The following MYO3B variants were observed in gnomAD, a reference collection of about 807,000 sequenced individuals.
MYO3B encodes the protein myosin-IIIb.
Under a neutral mutation model 174.6 loss-of-function variants are expected in MYO3B, and 156 were observed. That is an observed-to-expected ratio of 0.89 (90% CI 0.78 to 1.02). The LOEUF (loss-of-function observed/expected upper bound fraction) is 1.02, where lower values mean the gene tolerates loss of function less well. MYO3B is among the 50% of genes least tolerant of loss of function. The pLI, the probability that MYO3B is intolerant of heterozygous loss-of-function variation, is 0.00. For missense variants in MYO3B, 1,632 were observed against 1,639.4 expected (o/e 1.00, Z 0.08); for synonymous variants, 563 against 569.1 (o/e 0.99, Z 0.15).
At chr2:170,586,469 A>C (rs1324253454) in intron 32 of MYO3B, among the ~76,000 whole-genome samples, 1 of 152,244 alleles carries the variant, frequency 6.6e-6, no homozygotes, top group Non-Finnish European at 1.5e-5. Context: ...CGCTCACCAC[A>C]TGGGCTCTTA....
At chr2:170,245,583 C>T (rs1263592949) in intron 7 of MYO3B, among the ~76,000 whole-genome samples, 2 of 152,232 alleles carry the variant, frequency 1.3e-5, no homozygotes, top group Non-Finnish European at 2.9e-5. Flanking sequence ...TCTGCTCCTG[C>T]TCTGTTACTA....
chr2:170,375,852 G>T (rs2094288902), intron 9 of MYO3B, among the ~76,000 whole-genome samples: 2 of 152,160 alleles, frequency 1.3e-5, no homozygotes, highest in South Asian at 4.2e-4. Flanking sequence ...CACACAGGAG[G>T]TTAAATATCC....
chr2:170,493,144 A>G (rs1366925614), intron 25 of MYO3B, among the ~76,000 whole-genome samples: 1 of 152,238 alleles, frequency 6.6e-6, no homozygotes, highest in African/African-American at 2.4e-5. Flanking sequence ...GGACCTCTCT[A>G]TAAAGAGCAT....
chr2:170,472,671 A>G (rs1310607783), intron 25 of MYO3B, among the ~76,000 whole-genome samples: 1 of 140,704 alleles, frequency 7.1e-6, no homozygotes, highest in Non-Finnish European at 1.5e-5. Flanking sequence ...CTCACTTTTT[A>G]TCTATTTATT....
intron 8 of MYO3B, among the ~76,000 whole-genome samples, chr2:170,367,770 T>C (rs910352852): frequency 6.6e-6 from 1 of 152,192 alleles, no homozygotes; most frequent in Non-Finnish European, 1.5e-5. Context: ...TCTTAAAGCA[T>C]ATGCACTGAT....
intron 8 of MYO3B, among the ~76,000 whole-genome samples, chr2:170,351,278 G>A (rs553763383): frequency 7.9e-4 from 121 of 152,256 alleles, no homozygotes; most frequent in Non-Finnish European, 1.4e-3. Context: ...CAGTAAATGA[G>A]GTGGTTCATT....
intron 7 of MYO3B, among the ~76,000 whole-genome samples, chr2:170,243,161 T>C (rs2093153676): frequency 1.3e-5 from 2 of 152,212 alleles, no homozygotes; most frequent in African/African-American, 2.4e-5. Context: ...TCCCCAAACT[T>C]AGTTGCTTAA....
intron 22 of MYO3B, among the ~76,000 whole-genome samples, chr2:170,432,599 C>T (rs1185117391): frequency 3.4e-5 from 5 of 146,758 alleles, no homozygotes; most frequent in South Asian, 2.1e-4. Flanking sequence ...TTTTTTGAGA[C>T]GGAGTCTTGC....
At chr2:170,232,782 C>G (rs750103053) in intron 6 of MYO3B, among the ~76,000 whole-genome samples, 1 of 152,162 alleles carries the variant, frequency 6.6e-6, no homozygotes, top group African/African-American at 2.4e-5. Context: ...ACTATCATGC[C>G]AGACTAATGA....
rs1037199068 is a variant in MYO3B at position 170,637,275 on chromosome 2, G to A, written c.3734-14353G>A. ...CAACCTCTGCCTCCCGGGTTCAAGC[G>A]ATTCTCCTGCCTCACCCTCCCGAGT... is the stretch of plus-strand genomic sequence containing the variant. On this transcript the variant is annotated intron_variant, in intron 32 of 34. Coordinates refer to ENST00000408978, the MANE Select transcript of MYO3B (RefSeq NM_138995.5). Among the ~76,000 whole-genome samples, 4 of 150,410 alleles carry A rather than the reference G, an allele frequency of 2.7e-5. No homozygotes were observed. In the South Asian group the frequency reaches 6.3e-4, roughly 24 times the overall value.
chr2:170,504,021 A>G (rs1687457755), intron 28 of MYO3B, among the ~76,000 whole-genome samples: 1 of 152,244 alleles, frequency 6.6e-6, no homozygotes, highest in Middle Eastern at 3.4e-3. Context: ...AAGCAAAGCA[A>G]CTCATTCCGA....
chr2:170,532,871 A>G (rs1193286132), intron 30 of MYO3B, among the ~76,000 whole-genome samples: 1 of 151,844 alleles, frequency 6.6e-6, no homozygotes. Flanking sequence ...CAAATGGTTC[A>G]GAAAAAAATT....
At chr2:170,534,482 G>GCC (rs1337084548) in intron 30 of MYO3B, among the ~76,000 whole-genome samples, 4 of 152,146 alleles carry the variant, frequency 2.6e-5, no homozygotes, top group African/African-American at 9.7e-5. Context: ...GCCTCACTCT[G>GCC]TCACCCAGGC....
chr2:170,392,523 A>T, intron 16 of MYO3B, 28 bp downstream of exon 16: 1 of 1,377,190 alleles, frequency 7.3e-7, no homozygotes, highest in African/African-American at 1.4e-5. Flanking sequence ...GAGGAACTCA[A>T]GTGACAATAT....
chr2:170,227,092 C>T (rs2092959742), intron 6 of MYO3B, among the ~76,000 whole-genome samples: 1 of 152,150 alleles, frequency 6.6e-6, no homozygotes, highest in Non-Finnish European at 1.5e-5. Context: ...GAATTCCCAC[C>T]CAAGCCAAAC....
intron 31 of MYO3B, 114 bp from the exon 32 acceptor site, chr2:170,543,778 A>T: frequency 1.5e-6 from 1 of 682,424 alleles, no homozygotes; most frequent in Non-Finnish European, 2.4e-6. Flanking sequence ...CAGTATACTT[A>T]GCCTCTTGCT....
chr2:170,304,202 C>T (rs1446026828), intron 7 of MYO3B, among the ~76,000 whole-genome samples: 1 of 152,052 alleles, frequency 6.6e-6, no homozygotes, highest in Non-Finnish European at 1.5e-5. Context: ...CACATATTGC[C>T]AAGTTATTCT....
chr2:170,391,493 T>C, intron 14 of MYO3B, 27 bp from the exon 15 acceptor site: 1 of 1,161,404 alleles, frequency 8.6e-7, no homozygotes, highest in Non-Finnish European at 1.2e-6. Flanking sequence ...CAGAATATAT[T>C]ATTACTAAAG....
At chr2:170,297,185 G>A (rs1453163374) in intron 7 of MYO3B, among the ~76,000 whole-genome samples, 1 of 152,096 alleles carries the variant, frequency 6.6e-6, no homozygotes, top group Non-Finnish European at 1.5e-5. Flanking sequence ...TGTTGTGACT[G>A]AGGTATGCCA....
Sources: gnomAD v4.1 joint callset for allele counts (sites outside exome capture counted in the v4.1 genomes callset) on GRCh38, gnomAD v4.1.1 for gene constraint, MANE v1.5 for transcripts, NCBI Gene and HGNC (gene_info 2026-07-23, HGNC 2026-07-21) for gene names.